The following CNBD1 variants were observed in gnomAD, a reference collection of about 807,000 sequenced individuals.
The protein encoded by CNBD1 is cyclic nucleotide-binding domain-containing protein 1.
A neutral mutation model predicts 54.4 loss-of-function variants in CNBD1; 71 were observed. The ratio of observed to expected loss-of-function variants is 1.30; its 90% CI spans 1.08 to 1.59. The LOEUF is 1.59. Ranked by LOEUF, CNBD1 falls within the 40% of genes most tolerant of loss-of-function variation. The pLI, the probability that CNBD1 is intolerant of heterozygous loss-of-function variation, is 0.00. For synonymous variants in CNBD1, 182 were observed against 170.7 expected (o/e 1.07, Z -0.51); for missense variants, 659 against 518.0 (o/e 1.27, Z -2.64).
intron 4 of CNBD1, among the ~76,000 whole-genome samples, chr8:86,940,749 G>A (rs1809641115): frequency 6.6e-6 from 1 of 152,098 alleles, no homozygotes; most frequent in Non-Finnish European, 1.5e-5. Flanking sequence ...AAAACCAAAA[G>A]TGTCAAGACT....
At chr8:86,888,190 A>T (rs1165535145) in intron 2 of CNBD1, among the ~76,000 whole-genome samples, 4 of 152,116 alleles carry the variant, frequency 2.6e-5, no homozygotes, top group Non-Finnish European at 5.9e-5. Flanking sequence ...GGAAGGCCTT[A>T]GGTTTACAGA....
intron 4 of CNBD1, among the ~76,000 whole-genome samples, chr8:87,175,687 G>A (rs1265920691): frequency 1.3e-5 from 2 of 152,188 alleles, no homozygotes; most frequent in Admixed American, 6.5e-5. Flanking sequence ...TGTATTGCCT[G>A]GGGTTGGCCA....
chr8:87,167,105 C>T lies in CNBD1; in HGVS notation c.432-38888C>T, dbSNP rs757393148. ...AAAGTAATATTTACCTTAAATCCCA[C>T]AACTTTGATATTGTAACCATTAACA... is the stretch of plus-strand genomic sequence containing the variant. On this transcript the variant is annotated intron_variant, in intron 4 of 10. Transcript: ENST00000518476. Among the ~76,000 whole-genome samples the T allele has an allele frequency of 1.3e-4, 20 of 151,956 alleles. 1 individual carries two copies. Among genetic ancestry groups the T allele is most frequent in the South Asian group, 4.1e-4 (2 of 4,838 alleles).
chr8:87,354,272 TA>T (rs35249699), intron 10 of CNBD1, among the ~76,000 whole-genome samples: 56,395 of 151,912 alleles, frequency 0.37, 10,786 homozygotes, highest in Middle Eastern at 0.45. Context: ...CACACAATAG[TA>T]AGTGAAAGCA....
chr8:87,342,689 T>A (rs1810091510), intron 8 of CNBD1, among the ~76,000 whole-genome samples: 2 of 152,014 alleles, frequency 1.3e-5, no homozygotes, highest in South Asian at 4.2e-4. Flanking sequence ...GATGGCGACC[T>A]CGAGCTACAA....
chr8:87,143,894 C>A lies in CNBD1; in HGVS notation c.432-62099C>A, dbSNP rs190107423. On this transcript the variant is annotated intron_variant, in intron 4 of 10. Transcript: ENST00000518476. ...CTTAGTTTTACTTTTTGCAGTGCTGCAGAATAAATTCTGATAAAACAACTG... is the reference window on the plus strand; with the variant it reads ...CTTAGTTTTACTTTTTGCAGTGCTGAAGAATAAATTCTGATAAAACAACTG... Among the ~76,000 whole-genome samples, 3 of 152,200 alleles carry A rather than the reference C, an allele frequency of 2.0e-5. No individual in the cohort carries two copies. The East Asian group carries it at 5.8e-4, about 29-fold the overall frequency.
chr8:87,126,762 A>T (rs1811998300), intron 4 of CNBD1, among the ~76,000 whole-genome samples: 1 of 151,988 alleles, frequency 6.6e-6, no homozygotes, highest in South Asian at 2.1e-4. Flanking sequence ...TAGAAGTTTT[A>T]TAGTTTTAGG....
chr8:87,236,294 G>A (rs1266182560), intron 5 of CNBD1, among the ~76,000 whole-genome samples: 1 of 152,072 alleles, frequency 6.6e-6, no homozygotes, highest in Non-Finnish European at 1.5e-5. Context: ...TCACAAATGA[G>A]TATGTCTTTC....
intron 4 of CNBD1, among the ~76,000 whole-genome samples, chr8:86,963,358 C>T (rs1290839232): frequency 6.6e-6 from 1 of 152,194 alleles, no homozygotes; most frequent in Non-Finnish European, 1.5e-5. Flanking sequence ...ATTAGTCATG[C>T]TCACCTGCAC....
intron 4 of CNBD1, among the ~76,000 whole-genome samples, chr8:86,960,713 C>A (rs1034055225): frequency 6.6e-6 from 1 of 152,156 alleles, no homozygotes; most frequent in Non-Finnish European, 1.5e-5. Flanking sequence ...CCCTGAGTAG[C>A]CTAACTGGGA....
intron 4 of CNBD1, among the ~76,000 whole-genome samples, chr8:87,072,271 T>C (rs564663824): frequency 6.6e-6 from 1 of 152,240 alleles, no homozygotes; most frequent in Admixed American, 6.5e-5. Context: ...CAGCTTGCCA[T>C]TATGTGTCTT....
chr8:87,189,219 G>A (rs1212946357), intron 4 of CNBD1, among the ~76,000 whole-genome samples: 4 of 151,864 alleles, frequency 2.6e-5, no homozygotes, highest in African/African-American at 9.7e-5. Context: ...ACCCTTTTTT[G>A]TGTGGCTATT....
At chr8:87,340,194 A>G (rs901026703) in intron 8 of CNBD1, among the ~76,000 whole-genome samples, 2 of 152,202 alleles carry the variant, frequency 1.3e-5, no homozygotes, top group African/African-American at 2.4e-5. Context: ...AACATTGAAT[A>G]TGTTATATCT....
chr8:87,115,267 A>C (rs1227994890), intron 4 of CNBD1, among the ~76,000 whole-genome samples: 1 of 152,224 alleles, frequency 6.6e-6, no homozygotes, highest in African/African-American at 2.4e-5. Flanking sequence ...ACTGAGATAC[A>C]TGCAGTACTT....
At position 87,046,759 on chromosome 8, in the gene CNBD1, T is replaced by C. The variant is rs77853398; in HGVS notation, c.431+107005T>C. ...TCTACACACTAGGTGGGAAGGATCC[T>C]GCTGACAGATGGAGCTTTGGAAGAT... is the stretch of plus-strand genomic sequence containing the variant. On this transcript the variant is annotated intron_variant, in intron 4 of 10. Transcript: ENST00000518476. 7.0e-3 allele frequency among the ~76,000 whole-genome samples: 1,067 copies of C among 152,352 alleles called. 18 individuals are homozygous for C. The highest frequency in any genetic ancestry group is 0.024 in the African/African-American group (1,016 of 41,580).
At chr8:87,321,403 C>T (rs117042646) in intron 8 of CNBD1, among the ~76,000 whole-genome samples, 16 of 152,262 alleles carry the variant, frequency 1.1e-4, no homozygotes, top group African/African-American at 3.4e-4. Flanking sequence ...ACCTGTAAGG[C>T]AATATCTCTT....
intron 6 of CNBD1, among the ~76,000 whole-genome samples, chr8:87,282,689 A>G (rs1808621052): frequency 6.6e-6 from 1 of 152,022 alleles, no homozygotes; most frequent in Non-Finnish European, 1.5e-5. Context: ...TTTTTAATTA[A>G]TTGAGAAAGA....
intron 4 of CNBD1, among the ~76,000 whole-genome samples, chr8:86,968,866 CTT>C (rs1388997802): frequency 1.3e-5 from 2 of 152,116 alleles, no homozygotes; most frequent in Non-Finnish European, 2.9e-5. Flanking sequence ...GGAGGAATGA[CTT>C]TGAGTTCTAT....
chr8:87,387,325 G>A (rs1003818426), downstream of CNBD1, among the ~76,000 whole-genome samples: 2 of 151,930 alleles, frequency 1.3e-5, no homozygotes, highest in Middle Eastern at 3.2e-3. Flanking sequence ...TGGATAAAGA[G>A]CCAAGACCCA....
Sources: allele counts gnomAD v4.1 joint callset (sites outside exome capture counted in the v4.1 genomes callset), GRCh38; gene constraint gnomAD v4.1.1; transcripts MANE v1.5; gene names NCBI Gene and HGNC (gene_info 2026-07-23, HGNC 2026-07-21).